Variants in TMEM131L observed in about 807,000 individuals in gnomAD.
TMEM131L encodes transmembrane 131 like.
TMEM131L carries 54 observed loss-of-function variants against 192.2 expected under a neutral mutation model. The observed-to-expected ratio is 0.28, with a 90% CI of 0.23 to 0.35. The LOEUF is 0.35. TMEM131L is among the 10% of genes least tolerant of loss of function. TMEM131L has a pLI of 1.00. For synonymous variants in TMEM131L, 701 were observed against 704.9 expected (o/e 0.99, Z 0.09); for missense variants, 1,888 against 1,972.9 (o/e 0.96, Z 0.82).
intron 7 of TMEM131L, among the ~76,000 whole-genome samples, chr4:153,576,028 C>T (rs938857318): frequency 4.6e-5 from 7 of 151,628 alleles, no homozygotes; most frequent in Non-Finnish European, 1.0e-4. Flanking sequence ...GGCCCGATCT[C>T]GGCTCACTGC....
intron 3 of TMEM131L, among the ~76,000 whole-genome samples, chr4:153,507,109 G>C (rs916557282): frequency 2.0e-5 from 3 of 152,186 alleles, no homozygotes; most frequent in African/African-American, 7.2e-5. Flanking sequence ...GGCAGAGCGA[G>C]AAGTCAAACT....
intron 5 of TMEM131L, 119 bp downstream of exon 5, chr4:153,556,029 C>T: frequency 2.2e-6 from 2 of 901,896 alleles, no homozygotes; most frequent in Non-Finnish European, 3.1e-6. Flanking sequence ...GGTACCCAAA[C>T]CTTTTCCTTC....
chr4:153,576,497 A>G (rs1288844375), intron 7 of TMEM131L, among the ~76,000 whole-genome samples: 1 of 152,234 alleles, frequency 6.6e-6, no homozygotes, highest in Non-Finnish European at 1.5e-5. Context: ...TAAGAATGAC[A>G]AAATATTAGG....
At position 153,598,257 on chromosome 4, in the gene TMEM131L, T is replaced by C. The variant is rs1010632957; in HGVS notation, c.2124-333T>C. ...TTATTTCTTCAGTTTTTTTTTTTCT[T>C]GAATGTCTGATCACTACCCTGGTTT... On this transcript the variant is annotated intron_variant, in intron 20 of 34. Coordinates refer to ENST00000409959, the MANE Select transcript of TMEM131L (RefSeq NM_001131007.2). Among the ~76,000 whole-genome samples the C allele has an allele frequency of 2.6e-5, 4 of 152,134 alleles. No homozygotes were observed. In the South Asian group the frequency reaches 8.3e-4, roughly 32 times the overall value.
At chr4:153,625,283 C>T (rs958839460) in intron 29 of TMEM131L, among the ~76,000 whole-genome samples, 7 of 151,932 alleles carry the variant, frequency 4.6e-5, no homozygotes, top group African/African-American at 1.2e-4. Context: ...TGGTGACGAG[C>T]GCCTGCAGTT....
chr4:153,634,178 GTT>G lies in TMEM131L; in HGVS notation c.4329-9_4329-8del, dbSNP rs750902050. 6.2e-7 allele frequency: 1 copy of G among 1,611,678 alleles called. No homozygotes were observed. The highest frequency in any genetic ancestry group is 1.1e-5 in the South Asian group (1 of 91,036). Reference sequence around the variant, plus strand: ...CATCCTGTTTCTGATTAGACCACTTGTTTTTTGTGGCAGTTTCATTGATTGGA... The same window carrying G: ...CATCCTGTTTCTGATTAGACCACTTGTTTTGTGGCAGTTTCATTGATTGGA... On this transcript the variant is annotated splice_polypyrimidine_tract_variant and intron_variant, in intron 32 of 34. Transcript: ENST00000409959.
At chr4:153,528,659 C>G (rs1288180367) in intron 3 of TMEM131L, among the ~76,000 whole-genome samples, 1 of 152,128 alleles carries the variant, frequency 6.6e-6, no homozygotes, top group Non-Finnish European at 1.5e-5. Context: ...TCTGCCTAGG[C>G]TGTCTCGTAA....
In TMEM131L at chr4:153,636,320, G is replaced by A. The variant is rs202209729; in HGVS notation, c.4577G>A (p.Arg1526Gln). ...ISSPPYLTST[R>Q]SLSPMSGLFG... ...CTTCAGCCCTACCTCACAAGCACCC[G>A]AAGCTTGTCTCCAATGTCTGGACTT... The change falls in exon 35 of 35, where the codon CGA (arginine) becomes CAA (glutamine). Residue 1526 changes from arginine to glutamine, a missense_variant. Coordinates refer to ENST00000409959, the MANE Select transcript of TMEM131L (RefSeq NM_001131007.2). 92 of 1,613,056 alleles carry A rather than the reference G, an allele frequency of 5.7e-5. No individual in the cohort carries two copies. Among genetic ancestry groups the A allele is most frequent in the Non-Finnish European group, 6.9e-5 (81 of 1,179,674 alleles).
At chr4:153,548,812 TG>T (rs1025368640) in intron 3 of TMEM131L, among the ~76,000 whole-genome samples, 8 of 151,788 alleles carry the variant, frequency 5.3e-5, no homozygotes, top group Admixed American at 5.3e-4. Flanking sequence ...TCAAGAAAAA[TG>T]GGGCCTTGGA....
intron 17 of TMEM131L, 109 bp from the exon 18 acceptor site, chr4:153,592,366 G>A: frequency 2.9e-6 from 2 of 701,210 alleles, no homozygotes; most frequent in Non-Finnish European, 5.1e-6. Context: ...TTTCTTGATT[G>A]GAGTTACATG....
At chr4:153,500,367 A>G (rs2095153714) in intron 3 of TMEM131L, among the ~76,000 whole-genome samples, 1 of 152,200 alleles carries the variant, frequency 6.6e-6, no homozygotes, top group African/African-American at 2.4e-5. Context: ...TCAGCCTCCC[A>G]AAGTGCTGGG....
intron 25 of TMEM131L, among the ~76,000 whole-genome samples, chr4:153,605,586 C>T (rs185183841): frequency 4.6e-5 from 7 of 152,350 alleles, no homozygotes; most frequent in Admixed American, 3.3e-4. Flanking sequence ...CCAGGCTGAG[C>T]TCGAGCAATC....
At chr4:153,568,423 T>C (rs1439917975) in intron 7 of TMEM131L, among the ~76,000 whole-genome samples, 1 of 152,242 alleles carries the variant, frequency 6.6e-6, no homozygotes, top group Admixed American at 6.5e-5. Context: ...AATGTTTACC[T>C]TGTCTCTTTT....
At chr4:153,469,819 G>A (rs976717194) in intron 2 of TMEM131L, among the ~76,000 whole-genome samples, 1 of 151,978 alleles carries the variant, frequency 6.6e-6, no homozygotes, top group Non-Finnish European at 1.5e-5. Context: ...CCAGCTGCTC[G>A]GGAGGCTGAG....
intron 7 of TMEM131L, among the ~76,000 whole-genome samples, chr4:153,579,557 G>T (rs920392582): frequency 5.3e-5 from 8 of 151,944 alleles, no homozygotes; most frequent in Non-Finnish European, 1.0e-4. Flanking sequence ...CTACAGCCTT[G>T]ACCTCTTGGG....
At chr4:153,519,173 G>A (rs1161886007) in intron 3 of TMEM131L, among the ~76,000 whole-genome samples, 1 of 152,216 alleles carries the variant, frequency 6.6e-6, no homozygotes, top group Admixed American at 6.5e-5. Context: ...GCTAGGGGGT[G>A]TAGGCTGTGT....
At chr4:153,561,452 G>A (rs1728841412) in intron 7 of TMEM131L, among the ~76,000 whole-genome samples, 1 of 152,104 alleles carries the variant, frequency 6.6e-6, no homozygotes, top group Admixed American at 6.5e-5. Context: ...AAGGCCTAAT[G>A]TTGTGAAGCT....
chr4:153,492,410 T>C (rs994128372), intron 3 of TMEM131L, among the ~76,000 whole-genome samples: 4 of 152,218 alleles, frequency 2.6e-5, no homozygotes, highest in Admixed American at 2.6e-4. Flanking sequence ...ATTTTCCAAA[T>C]TGATGAGGCT....
At chr4:153,495,629 A>AT (rs920517867) in intron 3 of TMEM131L, among the ~76,000 whole-genome samples, 6 of 152,048 alleles carry the variant, frequency 3.9e-5, no homozygotes, top group African/African-American at 9.7e-5. Context: ...TCAAATATGC[A>AT]TTTTTTTCAG....
Sources: allele counts gnomAD v4.1 joint callset (sites outside exome capture counted in the v4.1 genomes callset), GRCh38; gene constraint gnomAD v4.1.1; transcripts MANE v1.5; gene names NCBI Gene and HGNC (gene_info 2026-07-23, HGNC 2026-07-21).